Variants in CADPS2 observed in about 807,000 individuals in gnomAD.
CADPS2 encodes the protein calcium dependent secretion activator 2.
In CADPS2, 93 loss-of-function variants were observed where a neutral mutation model predicts 172.5. The observed-to-expected ratio is 0.54, with a 90% CI of 0.46 to 0.64. CADPS2 has a LOEUF of 0.64. Ranked by LOEUF, CADPS2 falls within the 30% of genes least tolerant of loss-of-function variation. The pLI is 0.00. For synonymous variants in CADPS2, 546 were observed against 555.2 expected (o/e 0.98, Z 0.23); for missense variants, 1,420 against 1,565.9 (o/e 0.91, Z 1.57).
intron 2 of CADPS2, among the ~76,000 whole-genome samples, chr7:122,684,511 C>T (rs139971621): frequency 2.3e-3 from 346 of 151,972 alleles, no homozygotes; most frequent in African/African-American, 5.6e-3. Flanking sequence ...TGTTCTTTCA[C>T]GTATCAACCC....
chr7:122,321,439 A>T (rs2032491417), intron 29 of CADPS2, among the ~76,000 whole-genome samples: 1 of 152,194 alleles, frequency 6.6e-6, no homozygotes, highest in African/African-American at 2.4e-5. Context: ...AAGTGCCGGG[A>T]CTACAGGCCT....
rs144765712 is a variant in CADPS2, at chr7:122,335,764, A to T, written c.3612+9810T>A. 1.9e-3 allele frequency among the ~76,000 whole-genome samples: 283 copies of T among 152,344 alleles called. 3 individuals carry two copies. Among genetic ancestry groups the T allele is most frequent in the African/African-American group, 6.5e-3 (271 of 41,588 alleles). On this transcript the variant is annotated intron_variant, in intron 28 of 29. Coordinates refer to ENST00000449022, the MANE Select transcript of CADPS2 (RefSeq NM_017954.11). ...CACAAAGATGATTAAAGGGCTAGAA[A>T]AAAAGGCCTACAAAGTGCAGTTAAA...
At chr7:122,855,025 C>A (rs938929270) in intron 1 of CADPS2, among the ~76,000 whole-genome samples, 1 of 152,076 alleles carries the variant, frequency 6.6e-6, no homozygotes, top group Non-Finnish European at 1.5e-5. Flanking sequence ...TACTTAAAAG[C>A]CTTTCTCCCT....
intron 17 of CADPS2, among the ~76,000 whole-genome samples, chr7:122,422,731 G>A (rs975410578): frequency 6.6e-6 from 1 of 151,586 alleles, no homozygotes; most frequent in Non-Finnish European, 1.5e-5. Context: ...GAGGTGGGTG[G>A]ATCACTTGAT....
At chr7:122,764,560 T>C (rs559919772) in intron 1 of CADPS2, among the ~76,000 whole-genome samples, 4 of 149,284 alleles carry the variant, frequency 2.7e-5, no homozygotes, top group Admixed American at 2.7e-4. Flanking sequence ...GTAAACACAG[T>C]GTAAGATGGT....
At chr7:122,761,852 G>A (rs1205495695) in intron 1 of CADPS2, among the ~76,000 whole-genome samples, 1 of 148,368 alleles carries the variant, frequency 6.7e-6, no homozygotes, top group African/African-American at 2.5e-5. Flanking sequence ...AAAAAAATTA[G>A]CCGGGTGTGG....
At position 122,399,660 on chromosome 7, in the gene CADPS2, C is replaced by CTTTTTTTTTT. The variant is rs1008163151; in HGVS notation, c.2747-6088_2747-6079dup. On this transcript the variant is annotated intron_variant, in intron 20 of 29. Transcript: ENST00000449022. ...CGATAACTCTCTCAAGGGTGGGTTT[C>CTTTTTTTTTT]TTTTTTTTTTTTTTTTTTTTTTTTT... Among the ~76,000 whole-genome samples, 62 of 51,228 alleles carry CTTTTTTTTTT rather than the reference C, an allele frequency of 1.2e-3. 11 individuals are homozygous for CTTTTTTTTTT. Among genetic ancestry groups the CTTTTTTTTTT allele is most frequent in the East Asian group, 2.0e-3 (3 of 1,478 alleles). The allele number at this position is 51,228 out of a possible 152,430, so 33.6% of individuals were successfully genotyped here.
At chr7:122,466,305 T>C (rs987443320) in intron 14 of CADPS2, among the ~76,000 whole-genome samples, 1 of 152,218 alleles carries the variant, frequency 6.6e-6, no homozygotes, top group African/African-American at 2.4e-5. Flanking sequence ...GGAAATTAAT[T>C]AGGTGGCCTT....
rs139129648 is a variant in CADPS2, at chr7:122,726,152, C to G, written c.453+10803G>C. 3.3e-5 allele frequency among the ~76,000 whole-genome samples: 5 copies of G among 152,058 alleles called. No homozygotes were observed. In the East Asian group the frequency reaches 9.7e-4, roughly 30 times the overall value. The stretch of plus-strand genomic sequence containing the variant: ...TCTTATGAAAATAAGATTCTCCATA[C>G]TGTCTTATAGAAACTGTCAATGACA... On this transcript the variant is annotated intron_variant, in intron 2 of 29. Coordinates refer to ENST00000449022, the MANE Select transcript of CADPS2 (RefSeq NM_017954.11).
chr7:122,481,415 T>C (rs2057292160), intron 11 of CADPS2, among the ~76,000 whole-genome samples: 1 of 152,302 alleles, frequency 6.6e-6, no homozygotes, highest in Middle Eastern at 3.4e-3. Context: ...TGACAATAAA[T>C]TGATATCAAA....
chr7:122,582,892 G>A (rs1218484840), intron 6 of CADPS2, among the ~76,000 whole-genome samples: 1 of 151,924 alleles, frequency 6.6e-6, no homozygotes, highest in African/African-American at 2.4e-5. Flanking sequence ...GTATTACACT[G>A]ATTTTTTTCC....
chr7:122,842,217 C>T (rs1415358051), intron 1 of CADPS2, among the ~76,000 whole-genome samples: 1 of 152,234 alleles, frequency 6.6e-6, no homozygotes, highest in Admixed American at 6.5e-5. Context: ...CCCTCTGCTT[C>T]TGTCAGGCTC....
intron 1 of CADPS2, among the ~76,000 whole-genome samples, chr7:122,742,082 A>G (rs2092507497): frequency 6.6e-6 from 1 of 152,106 alleles, no homozygotes; most frequent in African/African-American, 2.4e-5. Flanking sequence ...CAGAGTCGCT[A>G]TTATAGCTTT....
intron 8 of CADPS2, among the ~76,000 whole-genome samples, chr7:122,522,927 G>GTATTCCAT (rs1343177037): frequency 1.3e-5 from 2 of 152,136 alleles, no homozygotes; most frequent in African/African-American, 4.8e-5. Flanking sequence ...TAGCTACATA[G>GTATTCCAT]TATTCCATTG....
At chr7:122,376,356 A>AAAATG (rs1437139014) in intron 25 of CADPS2, among the ~76,000 whole-genome samples, 1 of 152,194 alleles carries the variant, frequency 6.6e-6, no homozygotes, top group African/African-American at 2.4e-5. Context: ...ATGGATAATT[A>AAAATG]AAATGAGTTA....
intron 2 of CADPS2, among the ~76,000 whole-genome samples, chr7:122,706,663 T>C (rs1377243494): frequency 6.8e-6 from 1 of 146,810 alleles, no homozygotes; most frequent in African/African-American, 2.5e-5. Flanking sequence ...TAACAAGAGA[T>C]AGGTAGAACA....
intron 1 of CADPS2, among the ~76,000 whole-genome samples, chr7:122,755,108 C>A (rs1191261033): frequency 1.3e-5 from 2 of 152,094 alleles, no homozygotes; most frequent in African/African-American, 2.4e-5. Context: ...CAAATAAAAA[C>A]ATTTGCTACT....
chr7:122,565,162 C>T (rs1429655457), intron 7 of CADPS2, among the ~76,000 whole-genome samples: 1 of 151,704 alleles, frequency 6.6e-6, no homozygotes, highest in African/African-American at 2.4e-5. Context: ...CACTAAAAGC[C>T]CAGACTTCAC....
At chr7:122,541,850 T>G (rs1374723960) in intron 8 of CADPS2, among the ~76,000 whole-genome samples, 1 of 82,872 alleles carries the variant, frequency 1.2e-5, no homozygotes, top group Non-Finnish European at 3.6e-5. Context: ...TATATATTCA[T>G]ATATATTTAT....
Sources: gnomAD v4.1 joint callset for allele counts (sites outside exome capture counted in the v4.1 genomes callset) on GRCh38, gnomAD v4.1.1 for gene constraint, MANE v1.5 for transcripts, NCBI Gene and HGNC (gene_info 2026-07-23, HGNC 2026-07-21) for gene names.